The following SORCS2 variants were observed in gnomAD, a reference collection of about 807,000 sequenced individuals.
The protein encoded by SORCS2 is sortilin related VPS10 domain containing receptor 2, also known as VPS10 domain-containing receptor SorCS2.
SORCS2 carries 100 observed loss-of-function variants against 141.6 expected under a neutral mutation model. That is an observed-to-expected ratio of 0.71 (90% CI 0.60 to 0.83). The LOEUF (loss-of-function observed/expected upper bound fraction) is 0.83. Among genes scored for constraint, SORCS2 ranks in the 40% least tolerant of loss-of-function variants. SORCS2 has a pLI of 0.00. For missense variants in SORCS2, 1,646 were observed against 1,560.2 expected, an observed-to-expected ratio of 1.05 and a Z score of -0.93; for synonymous variants, 789 against 676.9, an observed-to-expected ratio of 1.17 and a Z score of -2.57.
chr4:7,633,538 T>G (rs1344309891), intron 3 of SORCS2, among the ~76,000 whole-genome samples: 1 of 149,486 alleles, frequency 6.7e-6, no homozygotes, highest in African/African-American at 2.4e-5. Flanking sequence ...TGTGTTTACC[T>G]GAATCCTTGC....
intron 2 of SORCS2, among the ~76,000 whole-genome samples, chr4:7,463,177 C>G (rs973763103): frequency 2.0e-5 from 3 of 152,112 alleles, no homozygotes; most frequent in Non-Finnish European, 4.4e-5. Flanking sequence ...CTGGTGCTGA[C>G]CACTCTGTTG....
intron 11 of SORCS2, among the ~76,000 whole-genome samples, chr4:7,690,630 A>G (rs990363405): frequency 6.6e-6 from 1 of 151,832 alleles, no homozygotes; most frequent in East Asian, 1.9e-4. Flanking sequence ...GGATGGGTGG[A>G]TGATAGACGG....
At chr4:7,571,438 C>T (rs1715386694) in intron 3 of SORCS2, among the ~76,000 whole-genome samples, 1 of 152,116 alleles carries the variant, frequency 6.6e-6, no homozygotes, top group Non-Finnish European at 1.5e-5. Flanking sequence ...AGTTCACTCC[C>T]CCAGTGTTTG....
chr4:7,670,012 C>G (rs1375892037), intron 8 of SORCS2, among the ~76,000 whole-genome samples: 2 of 152,190 alleles, frequency 1.3e-5, no homozygotes, highest in Admixed American at 1.3e-4. Flanking sequence ...TGCAATGAAT[C>G]TATGTGTGCC....
chr4:7,703,652 A>G (rs2109016299), intron 13 of SORCS2, among the ~76,000 whole-genome samples: 1 of 152,242 alleles, frequency 6.6e-6, no homozygotes, highest in Middle Eastern at 3.4e-3. Flanking sequence ...GGAGGTGAGG[A>G]ATTAGTAAAG....
At chr4:7,599,245 C>T (rs1215121178) in intron 3 of SORCS2, among the ~76,000 whole-genome samples, 1 of 152,154 alleles carries the variant, frequency 6.6e-6, no homozygotes, top group Admixed American at 6.5e-5. Context: ...TTCTGCCCTT[C>T]AGCCTCTGCT....
intron 1 of SORCS2, among the ~76,000 whole-genome samples, chr4:7,307,939 G>A (rs891724502): frequency 6.6e-6 from 1 of 152,058 alleles, no homozygotes; most frequent in Non-Finnish European, 1.5e-5. Flanking sequence ...CATGCATGGG[G>A]TGGTATGTGT....
intron 2 of SORCS2, among the ~76,000 whole-genome samples, chr4:7,529,611 C>T (rs777648063): frequency 6.6e-6 from 1 of 152,030 alleles, no homozygotes; most frequent in Non-Finnish European, 1.5e-5. Context: ...GAGGCGGGAT[C>T]GATAGGCAGG....
At chr4:7,284,874 G>A (rs1716104757) in intron 1 of SORCS2, among the ~76,000 whole-genome samples, 2 of 152,040 alleles carry the variant, frequency 1.3e-5, no homozygotes, top group Non-Finnish European at 2.9e-5. Flanking sequence ...GCCTCTTCTG[G>A]TTTCTGGTGG....
chr4:7,407,504 C>T (rs1047318652), intron 2 of SORCS2, among the ~76,000 whole-genome samples: 2 of 152,062 alleles, frequency 1.3e-5, no homozygotes, highest in African/African-American at 4.8e-5. Context: ...GCTACTCCTG[C>T]TCTTTTTTGG....
At position 7,434,516 on chromosome 4, in the gene SORCS2, G is replaced by A. The variant is rs773969387; in HGVS notation, c.548+38161G>A. ...GGGGCACTGTCCGGGGCCCCACGGA[G>A]CATGCTCAGGATGGCCGAACTGTGG... is the stretch of plus-strand genomic sequence containing the variant. On this transcript the variant is annotated intron_variant, in intron 2 of 26. Transcript: ENST00000507866. The A allele has an allele frequency of 3.1e-6, 5 of 1,612,732 alleles. No homozygotes were observed. The South Asian group carries it at 3.3e-5, about 11-fold the overall frequency.
chr4:7,395,377 C>T (rs181048320), intron 1 of SORCS2, among the ~76,000 whole-genome samples: 6 of 152,328 alleles, frequency 3.9e-5, no homozygotes, highest in African/African-American at 1.2e-4. Context: ...CCCATCTTAC[C>T]TCCCGGGGGC....
At chr4:7,378,910 G>A (rs574452408) in intron 1 of SORCS2, among the ~76,000 whole-genome samples, 83 of 152,280 alleles carry the variant, frequency 5.5e-4, no homozygotes, top group African/African-American at 1.8e-3. Context: ...CCATGGACAC[G>A]GATGCATTCT....
intron 8 of SORCS2, among the ~76,000 whole-genome samples, chr4:7,671,019 G>A (rs957113590): frequency 7.2e-5 from 11 of 152,140 alleles, no homozygotes; most frequent in African/African-American, 2.7e-4. Flanking sequence ...TCCCTTTTGG[G>A]AGCCAGACAT....
At chr4:7,512,241 C>T (rs1353945487) in intron 2 of SORCS2, among the ~76,000 whole-genome samples, 4 of 151,952 alleles carry the variant, frequency 2.6e-5, no homozygotes, top group Non-Finnish European at 5.9e-5. Context: ...CAAGGCATCT[C>T]TGTGGCCGCA....
At chr4:7,300,638 G>T (rs1028613334) in intron 1 of SORCS2, among the ~76,000 whole-genome samples, 14 of 152,324 alleles carry the variant, frequency 9.2e-5, no homozygotes, top group African/African-American at 3.4e-4. Context: ...GAGGACACTG[G>T]GGCAGAGAGT....
At chr4:7,328,773 G>T (rs913849619) in intron 1 of SORCS2, among the ~76,000 whole-genome samples, 4 of 152,240 alleles carry the variant, frequency 2.6e-5, no homozygotes, top group Non-Finnish European at 5.9e-5. Flanking sequence ...CACCCAGTCT[G>T]TGGCCCCGAC....
intron 1 of SORCS2, among the ~76,000 whole-genome samples, chr4:7,298,964 A>G (rs1206708932): frequency 6.6e-6 from 1 of 152,254 alleles, no homozygotes; most frequent in Non-Finnish European, 1.5e-5. Context: ...GTGACCCAGC[A>G]TCGCAGAGTT....
In SORCS2 at chr4:7,741,383, G is replaced by A. The variant is rs190760983; in HGVS notation, c.*1119G>A. On this transcript the variant is annotated 3_prime_UTR_variant, in exon 27 of 27. Coordinates refer to ENST00000507866, the MANE Select transcript of SORCS2 (RefSeq NM_020777.3). The stretch of plus-strand genomic sequence containing the variant: ...AGCCCTCTGCGCGCCAGTGCTGTGC[G>A]GTCTCCACACCCTTACGGTTTCCTA... 289 of 273,032 alleles carry A rather than the reference G, an allele frequency of 1.1e-3. 1 individual carries two copies. Among genetic ancestry groups the A allele is most frequent in the African/African-American group, 5.9e-3 (255 of 43,262 alleles). The allele number at this position is 273,032 out of a possible 1,614,324, so 16.9% of individuals were successfully genotyped here.
Sources: allele counts gnomAD v4.1 joint callset (sites outside exome capture counted in the v4.1 genomes callset), GRCh38; gene constraint gnomAD v4.1.1; transcripts MANE v1.5; gene names NCBI Gene and HGNC (gene_info 2026-07-23, HGNC 2026-07-21).